The following ASCC1 variants were observed in gnomAD, a reference collection of about 807,000 sequenced individuals.
ASCC1 encodes the protein activating signal cointegrator 1 complex subunit 1, also known as ASC-1 complex subunit P50.
Under a neutral mutation model 46.6 loss-of-function variants are expected in ASCC1, and 35 were observed. The observed-to-expected ratio is 0.75, with a 90% CI of 0.57 to 0.99. ASCC1 has a LOEUF of 0.99. Among genes scored for constraint, ASCC1 ranks in the 50% least tolerant of loss-of-function variants. ASCC1 has a pLI of 0.00. For synonymous variants in ASCC1, 143 were observed against 146.6 expected (o/e 0.98, Z 0.18); for missense variants, 376 against 428.7 (o/e 0.88, Z 1.09).
intron 9 of ASCC1, among the ~76,000 whole-genome samples, chr10:72,097,781 T>G (rs944468738): frequency 2.6e-5 from 4 of 152,262 alleles, no homozygotes; most frequent in Non-Finnish European, 5.9e-5. Context: ...GGCCACACCC[T>G]GACTCACAGA....
intron 7 of ASCC1, among the ~76,000 whole-genome samples, chr10:72,143,227 A>C (rs1847244117): frequency 6.6e-6 from 1 of 151,544 alleles, no homozygotes; most frequent in Admixed American, 6.6e-5. Context: ...AGTTATTCCT[A>C]ATTTCCTTAT....
At position 72,213,196 on chromosome 10, in the gene ASCC1, A is replaced by C. The variant is rs1858431227; in HGVS notation, c.103T>G (p.Phe35Val). 6.2e-6 allele frequency: 10 copies of C among 1,607,084 alleles called. No individual in the cohort carries two copies. The East Asian group carries it at 2.2e-4, about 36-fold the overall frequency. The change falls in exon 2 of 10, where the codon TTC (phenylalanine) becomes GTC (valine). Residue 35 changes from phenylalanine (F) to valine (V), a missense_variant. By Grantham distance (50) the Phe-to-Val change is conservative. Transcript: ENST00000672957. ...TYQHEEDEED[F>V]YQGSMECADE... is the part of the protein sequence containing the mutation. ...GAGCAACTAGGATTACCTTGATAGA[A>C]GTCCTCTTCATCTTCTTCATGTTGA...
chr10:72,156,558 C>A (rs754455251), intron 6 of ASCC1, among the ~76,000 whole-genome samples: 2 of 151,994 alleles, frequency 1.3e-5, no homozygotes, highest in East Asian at 3.9e-4. Context: ...GTCAGGAGAT[C>A]GAGACCATCC....
At chr10:72,131,439 T>TACACACACACAC (rs71927487) in intron 8 of ASCC1, among the ~76,000 whole-genome samples, 4,529 of 139,334 alleles carry the variant, frequency 0.033, 112 homozygotes, top group Middle Eastern at 0.063. Flanking sequence ...AAAATAAAAA[T>TACACACACACAC]ACACACACAC....
At chr10:72,189,869 T>C (rs1490343412) in intron 5 of ASCC1, 6 of 588,742 alleles carry the variant, frequency 1.0e-5, no homozygotes, top group African/African-American at 9.3e-5. Flanking sequence ...CAAATGCTTT[T>C]ATTTCTGTCT....
At position 72,188,184 on chromosome 10, in the gene ASCC1, T is replaced by C. The variant is rs186321578; in HGVS notation, c.489+8627A>G. ...GTCAGGCTGGAGTGCAGTGGCATGATTGTGGCTCACTGCAGCCTCTACCTT... is the reference window on the plus strand; with the variant it reads ...GTCAGGCTGGAGTGCAGTGGCATGACTGTGGCTCACTGCAGCCTCTACCTT... On this transcript the variant is annotated intron_variant, in intron 5 of 9. Coordinates refer to ENST00000672957, the MANE Select transcript of ASCC1 (RefSeq NM_001198800.3). Among the ~76,000 whole-genome samples, 143 of 150,112 alleles carry C rather than the reference T, an allele frequency of 9.5e-4. 2 individuals carry two copies. Among genetic ancestry groups the C allele is most frequent in the African/African-American group, 2.9e-3 (118 of 40,786 alleles).
intron 9 of ASCC1, among the ~76,000 whole-genome samples, chr10:72,124,563 C>T (rs1844613875): frequency 6.6e-6 from 1 of 152,152 alleles, no homozygotes; most frequent in Admixed American, 6.5e-5. Flanking sequence ...CTTAAGACCC[C>T]AAACAGACTG....
At chr10:72,138,222 C>A (rs1354284602) in intron 7 of ASCC1, among the ~76,000 whole-genome samples, 1 of 152,194 alleles carries the variant, frequency 6.6e-6, no homozygotes, top group East Asian at 1.9e-4. Flanking sequence ...CCGCAAATTG[C>A]ACTTCAGTTA....
intron 5 of ASCC1, among the ~76,000 whole-genome samples, chr10:72,167,070 CA>C (rs953868915): frequency 6.6e-6 from 1 of 151,694 alleles, no homozygotes; most frequent in Non-Finnish European, 1.5e-5. Flanking sequence ...AAAATTCATA[CA>C]AAAAAAATAC....
At chr10:72,098,757 C>T (rs988478097) in intron 9 of ASCC1, among the ~76,000 whole-genome samples, 1 of 152,202 alleles carries the variant, frequency 6.6e-6, no homozygotes. Flanking sequence ...ATCAACTTGA[C>T]CCCAAAGATC....
chr10:72,156,227 T>A (rs1362561567), intron 6 of ASCC1, among the ~76,000 whole-genome samples: 1 of 152,216 alleles, frequency 6.6e-6, no homozygotes, highest in African/African-American at 2.4e-5. Context: ...TCTCTGTTGC[T>A]TGTTCCTGCT....
At chr10:72,188,665 C>T (rs117018780) in intron 5 of ASCC1, among the ~76,000 whole-genome samples, 4,302 of 152,274 alleles carry the variant, frequency 0.028, 74 homozygotes, top group Middle Eastern at 0.095. Context: ...CCAAATAATA[C>T]TAACAACTTT....
At chr10:72,109,421 T>G (rs1366059009) in intron 9 of ASCC1, among the ~76,000 whole-genome samples, 1 of 152,192 alleles carries the variant, frequency 6.6e-6, no homozygotes, top group African/African-American at 2.4e-5. Context: ...CAACTTCCCC[T>G]CACTCATCCT....
chr10:72,104,155 C>T (rs1481616096), intron 9 of ASCC1, among the ~76,000 whole-genome samples: 2 of 152,132 alleles, frequency 1.3e-5, no homozygotes, highest in Admixed American at 1.3e-4. Context: ...AGTCTGAGCC[C>T]GTTGATTCCT....
At chr10:72,198,656 T>C (rs1218567000) in intron 4 of ASCC1, 1 of 456,038 alleles carries the variant, frequency 2.2e-6, no homozygotes, top group Non-Finnish European at 4.4e-6. Context: ...CATTTCCTTC[T>C]CTGATTTCTC....
rs1853197739 is a variant in ASCC1 at position 72,184,745 on chromosome 10, A to G, written c.489+12066T>C. ...TGGATACAGAGGTTGCAGTGAGCCAAGATCACGGCACTTCAGCCTGGGTGA... is the reference window on the plus strand; with the variant it reads ...TGGATACAGAGGTTGCAGTGAGCCAGGATCACGGCACTTCAGCCTGGGTGA... On this transcript the variant is annotated intron_variant, in intron 5 of 9. Coordinates refer to ENST00000672957, the MANE Select transcript of ASCC1 (RefSeq NM_001198800.3). 3.3e-5 allele frequency among the ~76,000 whole-genome samples: 5 copies of G among 151,986 alleles called. No homozygotes were observed. The South Asian group carries it at 1.0e-3, about 32-fold the overall frequency.
At chr10:72,208,991 C>G (rs1194572763) in intron 3 of ASCC1, among the ~76,000 whole-genome samples, 3 of 152,148 alleles carry the variant, frequency 2.0e-5, no homozygotes, top group African/African-American at 4.8e-5. Flanking sequence ...TGGAGAAACC[C>G]TGTCTCTACC....
intron 9 of ASCC1, among the ~76,000 whole-genome samples, chr10:72,111,179 C>T (rs1589192664): frequency 6.6e-6 from 1 of 152,232 alleles, no homozygotes; most frequent in East Asian, 1.9e-4. Flanking sequence ...AGTCATAAGG[C>T]CACTACAATT....
intron 9 of ASCC1, among the ~76,000 whole-genome samples, chr10:72,117,658 T>C (rs905724258): frequency 1.3e-5 from 2 of 152,222 alleles, no homozygotes; most frequent in African/African-American, 4.8e-5. Flanking sequence ...ACTTTCCAAA[T>C]GATTCTTCAG....
Sources: gnomAD v4.1 joint callset for allele counts (sites outside exome capture counted in the v4.1 genomes callset) on GRCh38, gnomAD v4.1.1 for gene constraint, MANE v1.5 for transcripts, NCBI Gene and HGNC (gene_info 2026-07-23, HGNC 2026-07-21) for gene names.